Variants in SETD3 observed in about 807,000 individuals in gnomAD.
SETD3 encodes actin-histidine N-methyltransferase.
SETD3 carries 19 observed loss-of-function variants against 63.0 expected under a neutral mutation model. The ratio of observed to expected loss-of-function variants is 0.30; its 90% confidence interval spans 0.21 to 0.44. SETD3 has a LOEUF of 0.44. Ranked by LOEUF, SETD3 falls within the 20% of genes least tolerant of loss-of-function variation. SETD3 has a pLI of 1.00. For missense variants in SETD3, 587 were observed against 728.5 expected, an observed-to-expected ratio of 0.81 and a Z score of 2.24; for synonymous variants, 286 against 264.1, an observed-to-expected ratio of 1.08 and a Z score of -0.80.
At chr14:99,432,081 GC>G (rs1414283010) in intron 6 of SETD3, among the ~76,000 whole-genome samples, 1 of 151,910 alleles carries the variant, frequency 6.6e-6, no homozygotes, top group African/African-American at 2.4e-5. Flanking sequence ...CCCTTAAATG[GC>G]ACCACCTACT....
Position 99,398,457 on chromosome 14 carries a change from T to C in SETD3, c.*222A>G, listed in dbSNP as rs1891201602. 1 of 538,600 alleles carries C rather than the reference T, an allele frequency of 1.9e-6. No individual in the cohort carries two copies. Among genetic ancestry groups the C allele is most frequent in the Non-Finnish European group, 3.3e-6 (1 of 306,176 alleles). The allele number at this position is 538,600 out of a possible 1,614,324, so 33.4% of individuals were successfully genotyped here. A position where few individuals can be genotyped will look rare whatever the true frequency, so the allele number is the denominator to read the frequency against. ...ACCTCTTCTCCCTTTCTTGTGGTTG[T>C]TTGTTAATTGGTTTGTTTTGCCTAA... On this transcript the variant is annotated 3_prime_UTR_variant, in exon 13 of 13. Coordinates refer to ENST00000331768, the MANE Select transcript of SETD3 (RefSeq NM_032233.3).
At chr14:99,486,254 G>A in the SETD3 span, among the ~76,000 whole-genome samples, 3 of 152,118 alleles carry the variant, frequency 2.0e-5, no homozygotes, top group Non-Finnish European at 4.4e-5. Context: ...CTACTTCTTG[G>A]ACCAGTCTTT....
chr14:99,437,462 TTA>T (rs2139707615), intron 6 of SETD3, among the ~76,000 whole-genome samples: 1 of 152,358 alleles, frequency 6.6e-6, no homozygotes, highest in East Asian at 1.9e-4. Context: ...TGTGATTACA[TTA>T]TATACTGCAT....
At chr14:99,458,770 A>G (rs989547740) in intron 5 of SETD3, among the ~76,000 whole-genome samples, 2 of 71,704 alleles carry the variant, frequency 2.8e-5, no homozygotes, top group Admixed American at 1.9e-4. Context: ...AAACCCCATC[A>G]CTACAAAAAA....
At chr14:99,429,360 C>T (rs1444932850) in intron 6 of SETD3, among the ~76,000 whole-genome samples, 1 of 152,276 alleles carries the variant, frequency 6.6e-6, no homozygotes, top group African/African-American at 2.4e-5. Flanking sequence ...ATCACACCAC[C>T]AAGGGCACAG....
chr14:99,404,096 G>T (rs1891547302), intron 11 of SETD3, 129 bp downstream of exon 11: 9 of 644,674 alleles, frequency 1.4e-5, no homozygotes, highest in Non-Finnish European at 1.8e-5. Context: ...CTCCAGTATT[G>T]TATCTTCTCT....
At chr14:99,466,557 T>C (rs1483062898) in intron 1 of SETD3, among the ~76,000 whole-genome samples, 1 of 151,902 alleles carries the variant, frequency 6.6e-6, no homozygotes, top group Non-Finnish European at 1.5e-5. Flanking sequence ...AATGCTTGCT[T>C]GCAAGTGCTT....
In SETD3 at chr14:99,406,899, A is replaced by G. The variant is rs561548936; in HGVS notation, c.850-309T>C. Among the ~76,000 whole-genome samples the G allele has an allele frequency of 5.9e-5, 9 of 152,356 alleles. No individual in the cohort carries two copies. In the East Asian group the frequency reaches 1.7e-3, roughly 29 times the overall value. ...ATCGCCTCTGGGCCTCCCTGGTGGCAGTGAGGGCAGTGAGCCCACAGGCCA... is the reference window on the plus strand; with the variant it reads ...ATCGCCTCTGGGCCTCCCTGGTGGCGGTGAGGGCAGTGAGCCCACAGGCCA... On this transcript the variant is annotated intron_variant, in intron 8 of 12. Coordinates refer to ENST00000331768, the MANE Select transcript of SETD3 (RefSeq NM_032233.3).
chr14:99,481,490 C>T (rs1430691188), upstream of SETD3: 4 of 398,694 alleles, frequency 1.0e-5, no homozygotes, highest in South Asian at 3.8e-4. Flanking sequence ...GTGAGTGACC[C>T]ACCGACTGAG....
intron 6 of SETD3, among the ~76,000 whole-genome samples, chr14:99,417,806 TTAAAA>T (rs1892363096): frequency 6.6e-6 from 1 of 152,206 alleles, no homozygotes; most frequent in African/African-American, 2.4e-5. Context: ...ATAAGCATTT[TTAAAA>T]TAAAAGTATT....
chr14:99,480,287 G>C (rs2139834384), intron 1 of SETD3, among the ~76,000 whole-genome samples: 1 of 152,122 alleles, frequency 6.6e-6, no homozygotes, highest in Admixed American at 6.5e-5. Context: ...GCCGCGCGCA[G>C]AGCCGAGCCG....
chr14:99,417,817 G>C (rs1048161655), intron 6 of SETD3, among the ~76,000 whole-genome samples: 3 of 152,050 alleles, frequency 2.0e-5, no homozygotes, highest in African/African-American at 7.2e-5. Flanking sequence ...TAAAATAAAA[G>C]TATTTCCATA....
At chr14:99,474,598 C>T (rs557031735) in intron 1 of SETD3, among the ~76,000 whole-genome samples, 2 of 152,286 alleles carry the variant, frequency 1.3e-5, no homozygotes, top group African/African-American at 4.8e-5. Context: ...GGCACAGTGG[C>T]TCATGCCTGT....
chr14:99,449,742 C>A (rs148844087), intron 6 of SETD3, among the ~76,000 whole-genome samples: 1 of 152,206 alleles, frequency 6.6e-6, no homozygotes. Context: ...TTAATAGTAT[C>A]GTACCACGGT....
At chr14:99,445,566 G>C (rs757922298) in intron 6 of SETD3, among the ~76,000 whole-genome samples, 1 of 152,168 alleles carries the variant, frequency 6.6e-6, no homozygotes, top group Non-Finnish European at 1.5e-5. Context: ...AGCTACAAAG[G>C]GCGGCCACAG....
intron 6 of SETD3, among the ~76,000 whole-genome samples, chr14:99,446,975 CTTTT>C (rs35458723): frequency 1.4e-5 from 2 of 141,498 alleles, no homozygotes; most frequent in Non-Finnish European, 1.5e-5. Flanking sequence ...TATTTCATTT[CTTTT>C]TTTTTTTTTT....
chr14:99,470,647 G>A (rs1895650484), intron 1 of SETD3, among the ~76,000 whole-genome samples: 1 of 152,104 alleles, frequency 6.6e-6, no homozygotes, highest in Non-Finnish European at 1.5e-5. Context: ...CTGAATCCCA[G>A]GCAGTCGGGC....
intron 6 of SETD3, among the ~76,000 whole-genome samples, chr14:99,433,392 G>A (rs907781136): frequency 6.6e-6 from 1 of 151,790 alleles, no homozygotes; most frequent in African/African-American, 2.4e-5. Flanking sequence ...TTAATTACAT[G>A]TTTAATAGAT....
intron 1 of SETD3, 37 bp from the exon 2 acceptor site, chr14:99,465,850 T>C (rs760046933): frequency 2.1e-6 from 3 of 1,410,070 alleles, no homozygotes; most frequent in Non-Finnish European, 3.0e-6. Flanking sequence ...AAAAATTACA[T>C]TACCAAAGAA....
Sources: gnomAD v4.1 joint callset for allele counts (sites outside exome capture counted in the v4.1 genomes callset) on GRCh38, gnomAD v4.1.1 for gene constraint, MANE v1.5 for transcripts, NCBI Gene and HGNC (gene_info 2026-07-23, HGNC 2026-07-21) for gene names.